CSRNP3: variants seen among roughly 807,000 people sequenced by gnomAD.
CSRNP3 encodes cysteine and serine rich nuclear protein 3, also known as cysteine/serine-rich nuclear protein 3.
A neutral mutation model predicts 48.0 loss-of-function variants in CSRNP3; 12 were observed. That is an observed-to-expected ratio of 0.25 (90% confidence interval 0.16 to 0.41). CSRNP3 has a LOEUF of 0.41. Among genes scored for constraint, CSRNP3 ranks in the 10% least tolerant of loss-of-function variants. The pLI, the probability that CSRNP3 is intolerant of heterozygous loss-of-function variation, is 1.00. For missense variants in CSRNP3, 580 were observed against 724.4 expected (o/e 0.80, Z 2.29); for synonymous variants, 263 against 269.7 (o/e 0.98, Z 0.24).
chr2:165,646,460 G>A (rs182895337), intron 4 of CSRNP3, among the ~76,000 whole-genome samples: 1 of 152,296 alleles, frequency 6.6e-6, no homozygotes, highest in East Asian at 1.9e-4. Flanking sequence ...CACTGAGCAG[G>A]TGGAAAATGC....
At chr2:165,589,309 T>G (rs1425996097) in intron 3 of CSRNP3, among the ~76,000 whole-genome samples, 1 of 152,206 alleles carries the variant, frequency 6.6e-6, no homozygotes, top group Non-Finnish European at 1.5e-5. Flanking sequence ...ACTCCTCTAT[T>G]AAGTCTAGAT....
chr2:165,580,085 C>A (rs1008150952), intron 3 of CSRNP3, among the ~76,000 whole-genome samples: 1 of 151,782 alleles, frequency 6.6e-6, no homozygotes, highest in Non-Finnish European at 1.5e-5. Context: ...CCTGCCACCA[C>A]GCCTGGCTAA....
intron 3 of CSRNP3, among the ~76,000 whole-genome samples, chr2:165,537,537 G>A (rs1458539114): frequency 1.3e-5 from 2 of 151,176 alleles, no homozygotes; most frequent in Admixed American, 6.6e-5. Context: ...TTTTATAAGT[G>A]TAAATGGAAA....
At chr2:165,596,788 A>G (rs1485577173) in intron 4 of CSRNP3, among the ~76,000 whole-genome samples, 1 of 152,230 alleles carries the variant, frequency 6.6e-6, no homozygotes, top group Non-Finnish European at 1.5e-5. Flanking sequence ...CAGACAGAGC[A>G]AGTGAGTTAA....
chr2:165,520,783 TTATATATATATATATATATATA>T (rs869287628), intron 3 of CSRNP3, among the ~76,000 whole-genome samples: 3 of 29,730 alleles, frequency 1.0e-4, no homozygotes, highest in East Asian at 1.4e-3. Flanking sequence ...TATATATATA[TTATATATATATATATATATATA>T]TATATATATA....
chr2:165,621,683 CT>C (rs1433058502), intron 4 of CSRNP3, among the ~76,000 whole-genome samples: 3 of 152,034 alleles, frequency 2.0e-5, no homozygotes, highest in Non-Finnish European at 2.9e-5. Flanking sequence ...ATCATTATCC[CT>C]TTCTATTTGT....
intron 4 of CSRNP3, among the ~76,000 whole-genome samples, chr2:165,647,147 T>C (rs1388195787): frequency 6.6e-6 from 1 of 152,086 alleles, no homozygotes; most frequent in Non-Finnish European, 1.5e-5. Flanking sequence ...TTTTTACAAA[T>C]GTAATTATTT....
At chr2:165,557,584 G>C (rs915699942) in intron 3 of CSRNP3, among the ~76,000 whole-genome samples, 8 of 152,188 alleles carry the variant, frequency 5.3e-5, no homozygotes, top group African/African-American at 1.9e-4. Flanking sequence ...TGTTGGTGCT[G>C]GAGGAGAAAG....
chr2:165,639,593 G>T (rs1349812668), intron 4 of CSRNP3, among the ~76,000 whole-genome samples: 1 of 152,168 alleles, frequency 6.6e-6, no homozygotes. Context: ...AATATACACA[G>T]GAGTTGCCAT....
At chr2:165,546,561 G>A (rs889701651) in intron 3 of CSRNP3, among the ~76,000 whole-genome samples, 3 of 152,128 alleles carry the variant, frequency 2.0e-5, no homozygotes, top group African/African-American at 7.2e-5. Context: ...TATTTTCTCC[G>A]AGTCAGATTC....
chr2:165,589,877 G>A (rs1685689214), intron 3 of CSRNP3, among the ~76,000 whole-genome samples: 2 of 152,130 alleles, frequency 1.3e-5, no homozygotes, highest in African/African-American at 2.4e-5. Flanking sequence ...TAAAGAAGCT[G>A]GGGGAGTATG....
intron 3 of CSRNP3, among the ~76,000 whole-genome samples, chr2:165,532,575 T>A (rs1002229960): frequency 3.9e-5 from 6 of 151,900 alleles, no homozygotes; most frequent in African/African-American, 1.2e-4. Context: ...TAATAAGAGC[T>A]ATCTATGACA....
At chr2:165,534,759 G>A (rs1463212267) in intron 3 of CSRNP3, among the ~76,000 whole-genome samples, 5 of 151,596 alleles carry the variant, frequency 3.3e-5, no homozygotes, top group Non-Finnish European at 7.4e-5. Flanking sequence ...ATATTTTCAA[G>A]TTTCTTTAAA....
chr2:165,555,966 G>C (rs1685155980), intron 3 of CSRNP3, among the ~76,000 whole-genome samples: 1 of 152,158 alleles, frequency 6.6e-6, no homozygotes, highest in Non-Finnish European at 1.5e-5. Context: ...TCTTCACAGT[G>C]TGTCTCTCAG....
At position 165,589,856 on chromosome 2, in the gene CSRNP3, T is replaced by A. The variant is rs114230918; in HGVS notation, c.-23-5187T>A. 7.6e-3 allele frequency among the ~76,000 whole-genome samples: 1,158 copies of A among 152,310 alleles called. 14 individuals are homozygous for A. The highest frequency in any genetic ancestry group is 0.027 in the African/African-American group (1,109 of 41,568). On this transcript the variant is annotated intron_variant, in intron 3 of 6. Transcript: ENST00000651982. ...TTAAGTGTCCTTGATTCTTGAGAAG[T>A]CTACCTTTCCTAAAGAAGCTGGGGG...
intron 3 of CSRNP3, among the ~76,000 whole-genome samples, chr2:165,546,830 A>G (rs557009588): frequency 1.3e-5 from 2 of 152,354 alleles, no homozygotes; most frequent in South Asian, 4.1e-4. Context: ...AATATTACAA[A>G]TCAGAAAGTG....
intron 5 of CSRNP3, among the ~76,000 whole-genome samples, chr2:165,673,894 G>A (rs1004143508): frequency 1.3e-4 from 20 of 151,930 alleles, no homozygotes; most frequent in African/African-American, 4.1e-4. Context: ...GGTGGCAGGC[G>A]CCTGTAATCC....
At position 165,482,548 on chromosome 2, in the gene CSRNP3, A is replaced by G. The variant is rs1684061748; in HGVS notation, c.-282-12211A>G. 2.6e-5 allele frequency among the ~76,000 whole-genome samples: 4 copies of G among 152,258 alleles called. No homozygotes were observed. In the South Asian group the frequency reaches 8.3e-4, roughly 32 times the overall value. ...CCAAAATGCTGGGATTACAGGTGTG[A>G]GCCACCATGCCCAGTCAACAGATGT... is the stretch of plus-strand genomic sequence containing the variant. On this transcript the variant is annotated intron_variant, in intron 1 of 6. Coordinates refer to ENST00000651982, the MANE Select transcript of CSRNP3 (RefSeq NM_001172173.2).
intron 5 of CSRNP3, among the ~76,000 whole-genome samples, chr2:165,666,144 AAGAG>A (rs754209547): frequency 5.0e-5 from 5 of 100,284 alleles, no homozygotes; most frequent in African/African-American, 7.8e-5. Context: ...GAAGGAAGGA[AAGAG>A]AGAGGAAGAA....
Sources: allele counts gnomAD v4.1 joint callset (sites outside exome capture counted in the v4.1 genomes callset), GRCh38; gene constraint gnomAD v4.1.1; transcripts MANE v1.5; gene names NCBI Gene and HGNC (gene_info 2026-07-23, HGNC 2026-07-21).